The following SRPX variants were observed in gnomAD, a reference collection of about 807,000 sequenced individuals.
SRPX encodes sushi repeat-containing protein SRPX.
A neutral mutation model predicts 38.1 loss-of-function variants in SRPX; 24 were observed. That is an observed-to-expected ratio of 0.63 (90% CI 0.46 to 0.89). The LOEUF (loss-of-function observed/expected upper bound fraction) is 0.89. Ranked by LOEUF, SRPX falls within the 40% of genes least tolerant of loss-of-function variation. SRPX has a pLI of 0.00. For synonymous variants in SRPX, 184 were observed against 153.8 expected, an observed-to-expected ratio of 1.20 and a Z score of -1.45; for missense variants, 416 against 377.8, an observed-to-expected ratio of 1.10 and a Z score of -0.84.
intron 1 of SRPX, among the ~76,000 whole-genome samples, chrX:38,187,860 G>A (rs1288437148): frequency 8.9e-6 from 1 of 112,539 alleles, no homozygotes; most frequent in Non-Finnish European, 1.9e-5. Context: ...CCAGAAGTCA[G>A]TTCCGTATGC....
rs1305042616 is a variant in SRPX at position 38,156,996 on chromosome X, G to A, written c.989C>T (p.Ala330Val). The change falls in exon 8 of 10, where the codon GCT becomes GTT. Residue 330 changes from alanine (A) to valine (V), a missense_variant. Transcript: ENST00000378533. The part of the protein sequence containing the change: ...MNVNVGVRTA[A>V]ALLDQFYEKR... ...CTCATAAAACTGATCCAGAAGTGCA[G>A]CTGCCGTTCTGACACCCACATTGAC... is the stretch of plus-strand genomic sequence containing the variant. The A allele has an allele frequency of 8.3e-7, 1 of 1,209,752 alleles. No homozygotes were observed. The highest frequency in any genetic ancestry group is 1.1e-6 in the Non-Finnish European group (1 of 895,119).
intron 1 of SRPX, among the ~76,000 whole-genome samples, chrX:38,210,635 CT>C (rs1939302893): frequency 8.9e-6 from 1 of 112,518 alleles, no homozygotes; most frequent in African/African-American, 3.2e-5. Flanking sequence ...GATTAGGACA[CT>C]GGATCCTAGC....
chrX:38,196,911 C>G (rs908021784), intron 1 of SRPX, among the ~76,000 whole-genome samples: 5 of 111,782 alleles, frequency 4.5e-5, no homozygotes, highest in African/African-American at 1.6e-4. Flanking sequence ...ACATCTCCTA[C>G]TCTTCCAGAA....
intron 4 of SRPX, among the ~76,000 whole-genome samples, chrX:38,171,596 A>C (rs1424908734): frequency 2.7e-5 from 3 of 111,752 alleles, no homozygotes; most frequent in Non-Finnish European, 5.6e-5. Flanking sequence ...CCGAACTAAA[A>C]TCAGCAGGAG....
intron 2 of SRPX, 54 bp downstream of exon 2, chrX:38,178,231 G>A (rs1938601837): frequency 1.9e-6 from 2 of 1,035,047 alleles, no homozygotes; most frequent in Admixed American, 4.6e-5. Flanking sequence ...AGGCAAAAAG[G>A]AAAGTTCTCC....
intron 1 of SRPX, among the ~76,000 whole-genome samples, chrX:38,183,015 T>TA (rs1365180727): frequency 9.0e-6 from 1 of 110,948 alleles, no homozygotes; most frequent in African/African-American, 3.3e-5. Flanking sequence ...TATAAACTGA[T>TA]ACACAAATGA....
chrX:38,161,402 G>T (rs1938258730), intron 5 of SRPX, among the ~76,000 whole-genome samples: 1 of 107,216 alleles, frequency 9.3e-6, no homozygotes, highest in Admixed American at 1.0e-4. Context: ...GACCTGAATT[G>T]CCTCACTGTT....
intron 1 of SRPX, among the ~76,000 whole-genome samples, chrX:38,201,076 T>A (rs1939103915): frequency 9.0e-6 from 1 of 111,616 alleles, no homozygotes; most frequent in Non-Finnish European, 1.9e-5. Context: ...TATAAGACTA[T>A]TACTCCCCAC....
chrX:38,156,871 C>T, intron 8 of SRPX, 25 bp downstream of exon 8: 1 of 1,203,558 alleles, frequency 8.3e-7, no homozygotes, highest in Non-Finnish European at 1.1e-6. Context: ...CTCCCTCTCA[C>T]CTTGGCCCTG....
chrX:38,212,115 C>G (rs1461017985), intron 1 of SRPX, among the ~76,000 whole-genome samples: 1 of 112,122 alleles, frequency 8.9e-6, no homozygotes, highest in Non-Finnish European at 1.9e-5. Context: ...ATCTTAGCTG[C>G]AGGAAAAAGC....
rs1269571164 is a variant in SRPX, at chrX:38,164,655, G to A, written c.653+114C>T. The A allele has an allele frequency of 3.6e-6, 3 of 822,299 alleles. No homozygotes were observed. The African/African-American group carries it at 6.2e-5, about 17-fold the overall frequency. 67.8% of individuals were successfully genotyped at this position (822,299 alleles called of 1,213,427 possible). A position where few individuals can be genotyped will look rare whatever the true frequency, so the allele number is the denominator to read the frequency against. ...ATATAGTATGTTAGGTAGTGACCAG[G>A]GGGACCACATCTGAAAGCATAAATA... On this transcript the variant is annotated intron_variant, in intron 5 of 9. Transcript: ENST00000378533.
At chrX:38,152,779 T>C (rs1475304952) in intron 9 of SRPX, among the ~76,000 whole-genome samples, 1 of 111,931 alleles carries the variant, frequency 8.9e-6, no homozygotes. Context: ...TACACACACA[T>C]TCAATCCAAA....
chrX:38,158,390 C>T (rs1232015064), intron 7 of SRPX, among the ~76,000 whole-genome samples: 1 of 112,201 alleles, frequency 8.9e-6, no homozygotes, highest in Non-Finnish European at 1.9e-5. Context: ...AAGAGAAAAA[C>T]TAGTAGATGC....
chrX:38,179,182 A>G (rs1938623355), intron 1 of SRPX, among the ~76,000 whole-genome samples: 1 of 110,985 alleles, frequency 9.0e-6, no homozygotes, highest in Non-Finnish European at 1.9e-5. Flanking sequence ...CCGACCTCAG[A>G]TGATCTGCCC....
chrX:38,160,956 C>T lies in SRPX; in HGVS notation c.752G>A (p.Cys251Tyr). The T allele has an allele frequency of 8.3e-7, 1 of 1,209,247 alleles. No homozygotes were observed. The highest frequency in any genetic ancestry group is 1.1e-6 in the Non-Finnish European group (1 of 894,181). The change falls in exon 6 of 10, where the codon TGC becomes TAC. Residue 251 changes from cysteine (C) to tyrosine (Y), a missense_variant. By Grantham distance (194) the Cys-to-Tyr change is radical. Transcript: ENST00000378533. ...VYDRAENKGT[C>Y]KFRVKVRVKR... ...ACCTCTTACTTTAACTCGAAATTTGCAAGTGCCCTTATTCTCAGCTCTGTC... is the reference window on the plus strand; with the variant it reads ...ACCTCTTACTTTAACTCGAAATTTGTAAGTGCCCTTATTCTCAGCTCTGTC...
chrX:38,190,532 T>C (rs182901456), intron 1 of SRPX, among the ~76,000 whole-genome samples: 1 of 111,776 alleles, frequency 8.9e-6, no homozygotes, highest in East Asian at 2.8e-4. Context: ...CTGGGTAGCT[T>C]CTCTCTTGAA....
intron 9 of SRPX, 108 bp from the exon 10 acceptor site, chrX:38,150,002 C>T (rs763603027): frequency 1.5e-6 from 1 of 660,893 alleles, no homozygotes; most frequent in South Asian, 3.7e-5. Flanking sequence ...AGCTTTGATA[C>T]AATGAAGGAC....
At chrX:38,196,572 TAAG>T (rs2147115418) in intron 1 of SRPX, among the ~76,000 whole-genome samples, 1 of 112,147 alleles carries the variant, frequency 8.9e-6, no homozygotes, top group East Asian at 2.8e-4. Context: ...AAGGAAGAAT[TAAG>T]AAGAACAAAT....
chrX:38,160,963 C>A lies in SRPX; in HGVS notation c.745G>T (p.Gly249Cys). The change falls in exon 6 of 10, where the codon GGC becomes TGC. Residue 249 changes from glycine to cysteine, a missense_variant. Coordinates refer to ENST00000378533, the MANE Select transcript of SRPX (RefSeq NM_006307.5). ...YTVYDRAENK[G>C]TCKFRVKVRV... ...ACTTTAACTCGAAATTTGCAAGTGC[C>A]CTTATTCTCAGCTCTGTCATAGACT... 2 of 1,209,363 alleles carry A rather than the reference C, an allele frequency of 1.7e-6. No individual in the cohort carries two copies. Among genetic ancestry groups the A allele is most frequent in the Non-Finnish European group, 1.1e-6 (1 of 894,380 alleles).
Sources: allele counts gnomAD v4.1 joint callset (sites outside exome capture counted in the v4.1 genomes callset), GRCh38; gene constraint gnomAD v4.1.1; transcripts MANE v1.5; gene names NCBI Gene and HGNC (gene_info 2026-07-23, HGNC 2026-07-21).